The following OLR1 variants were observed in gnomAD, a reference collection of about 807,000 sequenced individuals.
OLR1 encodes the protein oxidized low density lipoprotein receptor 1.
OLR1 carries 23 observed loss-of-function variants against 31.7 expected under a neutral mutation model. The observed-to-expected ratio is 0.72, with a 90% CI of 0.52 to 1.03. The LOEUF is 1.03. Ranked by LOEUF, OLR1 falls within the 50% of genes least tolerant of loss-of-function variation. The pLI is 0.00. For missense variants in OLR1, 286 were observed against 315.7 expected (o/e 0.91, Z 0.71); for synonymous variants, 117 against 115.8 (o/e 1.01, Z -0.07).
chr12:10,170,972 A>G (rs928295020), intron 1 of OLR1: 5 of 152,132 alleles, frequency 3.3e-5, no homozygotes, highest in Admixed American at 2.0e-4. Context: ...GATTCTTTGC[A>G]GTAGGTACCG....
At chr12:10,164,674 GACTCTCTCTCACACCTTTTA>G (rs1473549264) in intron 3 of OLR1, among the ~76,000 whole-genome samples, 4 of 152,044 alleles carry the variant, frequency 2.6e-5, no homozygotes, top group Non-Finnish European at 5.9e-5. Flanking sequence ...ACCTCTGAAT[GACTCTCTCTCACACCTTTTA>G]ACTCTCCCTA....
intron 4 of OLR1, 127 bp downstream of exon 4, chr12:10,160,659 G>C (rs1392995943): frequency 1.6e-6 from 2 of 1,248,864 alleles, no homozygotes; most frequent in Non-Finnish European, 2.3e-6. Context: ...CAAAATTGGT[G>C]ATCAGACTAA....
At chr12:10,160,483 G>A in intron 4 of OLR1, 21 bp from the exon 5 acceptor site, 1 of 1,556,400 alleles carries the variant, frequency 6.4e-7, no homozygotes, top group Non-Finnish European at 8.8e-7. Flanking sequence ...TAATGTTTCT[G>A]AGTTTGTGGA....
At position 10,172,088 on chromosome 12, in the gene OLR1, A is replaced by G. The variant is rs561719194; in HGVS notation, c.-11T>C. 80 of 1,609,386 alleles carry G rather than the reference A, an allele frequency of 5.0e-5. No individual in the cohort carries two copies. In the East Asian group the frequency reaches 1.7e-3, roughly 34 times the overall value. ...GTCATCAAAAGTCATTTCCAAATTCAAGCTAAGAATGAGAGAGTGAAGCAG... is the reference window on the plus strand; with the variant it reads ...GTCATCAAAAGTCATTTCCAAATTCGAGCTAAGAATGAGAGAGTGAAGCAG... On this transcript the variant is annotated 5_prime_UTR_variant, in exon 1 of 6. Coordinates refer to ENST00000309539, the MANE Select transcript of OLR1 (RefSeq NM_002543.4).
In OLR1 at chr12:10,167,858, G is replaced by A. The variant is rs117718077; in HGVS notation, c.179-901C>T. 7.5e-3 allele frequency among the ~76,000 whole-genome samples: 1,147 copies of A among 152,174 alleles called. 4 individuals carry two copies. The highest frequency in any genetic ancestry group is 0.014 in the Non-Finnish European group (937 of 68,014). On this transcript the variant is annotated intron_variant, in intron 2 of 5. Transcript: ENST00000309539. ...AATCAAGCAGGCGATAACATGTTAA[G>A]GGTCAAATGTCTCAGTTCCTGAATT...
At chr12:10,161,622 G>C (rs933414766) in intron 3 of OLR1, among the ~76,000 whole-genome samples, 1 of 152,134 alleles carries the variant, frequency 6.6e-6, no homozygotes, top group African/African-American at 2.4e-5. Flanking sequence ...TGTCCAGGCT[G>C]GTCTTGAACT....
intron 3 of OLR1, among the ~76,000 whole-genome samples, chr12:10,161,946 A>ATATATATATATATATATAT (rs35023147): frequency 1.6e-4 from 13 of 82,116 alleles, no homozygotes; most frequent in African/African-American, 4.6e-4. Context: ...TATATATATA[A>ATATATATATATATATATAT]AAAACACATA....
upstream of OLR1, chr12:10,172,530 G>T: frequency 6.4e-6 from 1 of 155,964 alleles, no homozygotes; most frequent in East Asian, 1.9e-4. Context: ...TGTCTTTTAC[G>T]AATCAGATAT....
chr12:10,167,083 A>T (rs1286986611), intron 2 of OLR1, 126 bp from the exon 3 acceptor site: 1 of 857,388 alleles, frequency 1.2e-6, no homozygotes, highest in African/African-American at 1.7e-5. Context: ...AAAATGACCC[A>T]GATTTACTCA....
rs1193813843 is a variant in OLR1 at position 10,158,333 on chromosome 12, T to C, written c.*1547A>G. Reference sequence around the variant, plus strand: ...CAAATGTTCACAGCAGCTTTATTTGTAATATCCCAAAACTAAAACAACCCA... The same window carrying C: ...CAAATGTTCACAGCAGCTTTATTTGCAATATCCCAAAACTAAAACAACCCA... On this transcript the variant is annotated 3_prime_UTR_variant, in exon 6 of 6. Coordinates refer to ENST00000309539, the MANE Select transcript of OLR1 (RefSeq NM_002543.4). 3.3e-5 allele frequency: 5 copies of C among 152,224 alleles called. No individual in the cohort carries two copies. Among genetic ancestry groups the C allele is most frequent in the Non-Finnish European group, 4.4e-5 (3 of 68,038 alleles). 9.4% of individuals were successfully genotyped at this position (152,224 alleles called of 1,614,324 possible). A position where few individuals can be genotyped will look rare whatever the true frequency, so the allele number is the denominator to read the frequency against.
chr12:10,171,051 C>T (rs1344246945), intron 1 of OLR1, among the ~76,000 whole-genome samples: 1 of 152,188 alleles, frequency 6.6e-6, no homozygotes, highest in Non-Finnish European at 1.5e-5. Flanking sequence ...TCAATATTTA[C>T]TACACAAATA....
chr12:10,165,323 G>T (rs2137511943), intron 3 of OLR1, among the ~76,000 whole-genome samples: 1 of 151,766 alleles, frequency 6.6e-6, no homozygotes, highest in South Asian at 2.1e-4. Flanking sequence ...CCAGCTACTT[G>T]GGAGTCTGAG....
intron 1 of OLR1, 81 bp downstream of exon 1, chr12:10,171,921 T>TA: frequency 1.9e-6 from 2 of 1,053,450 alleles, no homozygotes; most frequent in Non-Finnish European, 2.9e-6. Flanking sequence ...TTTAGCTTTC[T>TA]AATCCCATTC....
upstream of OLR1, chr12:10,172,179 C>G (rs1191863064): frequency 1.3e-6 from 1 of 754,970 alleles, no homozygotes; most frequent in African/African-American, 1.7e-5. Context: ...CTACTGTTAT[C>G]TAATAGAAGA....
chr12:10,163,945 G>C (rs1039089760), intron 3 of OLR1, among the ~76,000 whole-genome samples: 2 of 151,448 alleles, frequency 1.3e-5, no homozygotes, highest in Non-Finnish European at 2.9e-5. Context: ...AAAAAAAAAT[G>C]CTCTTTGATG....
At chr12:10,174,689 G>C (rs1948753209), upstream of OLR1, among the ~76,000 whole-genome samples, 1 of 152,116 alleles carries the variant, frequency 6.6e-6, no homozygotes, top group Non-Finnish European at 1.5e-5. Context: ...TTCTATGTAT[G>C]TACACAGCGT....
At position 10,160,635 on chromosome 12, in the gene OLR1, T is replaced by A; in HGVS notation, c.564+151A>T. On this transcript the variant is annotated intron_variant, in intron 4 of 5. Transcript: ENST00000309539. ...CTAGAGATACTACAGAGCCTGTCCGTCCAAGGTCATACACAAAATTGGTGA... is the reference window on the plus strand; with the variant it reads ...CTAGAGATACTACAGAGCCTGTCCGACCAAGGTCATACACAAAATTGGTGA... 6.5e-6 allele frequency: 7 copies of A among 1,081,118 alleles called. No individual in the cohort carries two copies. The South Asian group carries it at 8.8e-5, about 14-fold the overall frequency. 67.0% of individuals were successfully genotyped at this position (1,081,118 alleles called of 1,614,324 possible).
chr12:10,162,506 C>T (rs1466911722), intron 3 of OLR1, among the ~76,000 whole-genome samples: 1 of 152,192 alleles, frequency 6.6e-6, no homozygotes, highest in African/African-American at 2.4e-5. Flanking sequence ...GTTTGCCTAA[C>T]CCCATCATAT....
intron 3 of OLR1, among the ~76,000 whole-genome samples, chr12:10,161,767 T>G (rs1310664034): frequency 6.6e-6 from 1 of 151,880 alleles, no homozygotes; most frequent in Non-Finnish European, 1.5e-5. Flanking sequence ...AAACTTAATT[T>G]GAAAAAGAAA....
Sources: gnomAD v4.1 joint callset for allele counts (sites outside exome capture counted in the v4.1 genomes callset) on GRCh38, gnomAD v4.1.1 for gene constraint, MANE v1.5 for transcripts, NCBI Gene and HGNC (gene_info 2026-07-23, HGNC 2026-07-21) for gene names.